The following ADGRL3 variants were observed in gnomAD, a reference collection of about 807,000 sequenced individuals.
ADGRL3 encodes adhesion G protein-coupled receptor L3.
ADGRL3 carries 62 observed loss-of-function variants against 153.5 expected under a neutral mutation model. The ratio of observed to expected loss-of-function variants is 0.40; its 90% CI spans 0.33 to 0.50. ADGRL3 has a LOEUF of 0.50. Ranked by LOEUF, ADGRL3 falls within the 20% of genes least tolerant of loss-of-function variation. ADGRL3 has a pLI of 0.47. For synonymous variants in ADGRL3, 710 were observed against 672.5 expected (o/e 1.06, Z -0.86); for missense variants, 1,641 against 1,859.4 (o/e 0.88, Z 2.16).
chr4:62,002,360 C>T lies in ADGRL3; in HGVS notation c.3395+4095C>T, dbSNP rs559286262. Among the ~76,000 whole-genome samples, 6 of 150,602 alleles carry T rather than the reference C, an allele frequency of 4.0e-5. No homozygotes were observed. In the Admixed American group the frequency reaches 4.0e-4, roughly 10 times the overall value. Reference sequence around the variant, plus strand: ...CTCAGATCTTATCTCTGCTGTTTCTCTACTCACTTTCTTTTCCCTAACGCT... The same window carrying T: ...CTCAGATCTTATCTCTGCTGTTTCTTTACTCACTTTCTTTTCCCTAACGCT... On this transcript the variant is annotated intron_variant, in intron 21 of 26. Coordinates refer to ENST00000683033, the MANE Select transcript of ADGRL3 (RefSeq NM_001387552.1).
At chr4:61,594,930 G>A (rs2098983038) in intron 5 of ADGRL3, among the ~76,000 whole-genome samples, 1 of 152,070 alleles carries the variant, frequency 6.6e-6, no homozygotes, top group Non-Finnish European at 1.5e-5. Flanking sequence ...TATGGCTGAG[G>A]ATCCTCTCTT....
intron 6 of ADGRL3, among the ~76,000 whole-genome samples, chr4:61,707,008 G>A (rs1312085946): frequency 6.6e-6 from 1 of 152,086 alleles, no homozygotes; most frequent in Non-Finnish European, 1.5e-5. Flanking sequence ...AATAGTTAGA[G>A]GCCATTGCAG....
At chr4:61,905,271 C>T (rs1302575655) in intron 11 of ADGRL3, among the ~76,000 whole-genome samples, 1 of 152,152 alleles carries the variant, frequency 6.6e-6, no homozygotes, top group East Asian at 1.9e-4. Flanking sequence ...ACTATACCAA[C>T]ATCTCACTAA....
At chr4:61,608,547 A>G (rs948088390) in intron 5 of ADGRL3, among the ~76,000 whole-genome samples, 1 of 152,200 alleles carries the variant, frequency 6.6e-6, no homozygotes, top group African/African-American at 2.4e-5. Flanking sequence ...AATGTATTAT[A>G]GTTTGTTACT....
rs557892674 is a variant in ADGRL3 at position 61,325,884 on chromosome 4, G to A, written c.-239-57240G>A. Among the ~76,000 whole-genome samples the A allele has an allele frequency of 1.5e-4, 23 of 152,216 alleles. 1 individual carries two copies. Among genetic ancestry groups the A allele is most frequent in the African/African-American group, 5.1e-4 (21 of 41,550 alleles). ...GTCATGATTACTAACATATTGAAGA[G>A]AATTGTGTCCCTCTGAGAATATTAG... On this transcript the variant is annotated intron_variant, in intron 1 of 26. Coordinates refer to ENST00000683033, the MANE Select transcript of ADGRL3 (RefSeq NM_001387552.1).
rs188000074 is a variant in ADGRL3, at chr4:61,978,546, A to G, written c.2806-1017A>G. On this transcript the variant is annotated intron_variant, in intron 17 of 26. Transcript: ENST00000683033. Reference sequence around the variant, plus strand: ...AATTGACAGTCATAAACAATTTCTCAACTTTGCTCCGACATCTTGATCTAC... The same window carrying G: ...AATTGACAGTCATAAACAATTTCTCGACTTTGCTCCGACATCTTGATCTAC... 3.3e-5 allele frequency among the ~76,000 whole-genome samples: 5 copies of G among 152,296 alleles called. No individual in the cohort carries two copies. The East Asian group carries it at 9.7e-4, about 29-fold the overall frequency.
chr4:62,026,879 C>T (rs1362640918), intron 21 of ADGRL3, among the ~76,000 whole-genome samples: 1 of 151,992 alleles, frequency 6.6e-6, no homozygotes, highest in Admixed American at 6.6e-5. Context: ...AATATAGTAA[C>T]TGTTTTACTA....
At chr4:61,460,544 G>A (rs2097799021) in intron 2 of ADGRL3, among the ~76,000 whole-genome samples, 1 of 151,988 alleles carries the variant, frequency 6.6e-6, no homozygotes, top group South Asian at 2.1e-4. Context: ...GGAAGGGTGG[G>A]AGGGGGATGA....
chr4:62,056,102 A>G (rs1488542617), intron 25 of ADGRL3, among the ~76,000 whole-genome samples: 1 of 151,698 alleles, frequency 6.6e-6, no homozygotes, highest in Non-Finnish European at 1.5e-5. Flanking sequence ...AAATAAAACT[A>G]CCAGAGGTCA....
At chr4:61,464,248 T>C (rs2097855120) in intron 2 of ADGRL3, among the ~76,000 whole-genome samples, 1 of 152,204 alleles carries the variant, frequency 6.6e-6, no homozygotes, top group Admixed American at 6.5e-5. Context: ...GGAACAAATT[T>C]ACATTTTCAA....
In ADGRL3 at chr4:61,202,610, AGGCACCTC is replaced by A. The variant is rs759241752; in HGVS notation, c.-240+849_-240+856del. 6.6e-6 allele frequency among the ~76,000 whole-genome samples: 1 copy of A among 152,076 alleles called. No individual in the cohort carries two copies. Among genetic ancestry groups the A allele is most frequent in the Non-Finnish European group, 1.5e-5 (1 of 68,006 alleles). ...GTTGGCGGGTTACAGGTAGGAGAGA[AGGCACCTC>A]GGCGCTTCTCTGAGGAGAAGGGAAG... On this transcript the variant is annotated intron_variant, in intron 1 of 26. Coordinates refer to ENST00000683033, the MANE Select transcript of ADGRL3 (RefSeq NM_001387552.1). This position sits in a 1 kb window ranked among gnomAD's most constrained non-coding sequence, Gnocchi z 5.0.
At chr4:61,680,793 T>C in intron 6 of ADGRL3, among the ~76,000 whole-genome samples, 1 of 152,172 alleles carries the variant, frequency 6.6e-6, no homozygotes, top group Non-Finnish European at 1.5e-5. Context: ...TCTTTGAGTG[T>C]TTTGTACTTA....
chr4:61,481,436 A>G (rs776365095), intron 2 of ADGRL3, among the ~76,000 whole-genome samples: 4 of 152,096 alleles, frequency 2.6e-5, no homozygotes, highest in Admixed American at 1.3e-4. Context: ...ATATATGTAC[A>G]TGTCCTTCAT....
At chr4:61,833,257 C>T (rs2097894242) in intron 9 of ADGRL3, among the ~76,000 whole-genome samples, 1 of 151,964 alleles carries the variant, frequency 6.6e-6, no homozygotes. Flanking sequence ...GTTTATTTTG[C>T]ATTAAAAAAA....
Position 61,597,488 on chromosome 4 carries a change from T to C in ADGRL3, c.473+10048T>C, listed in dbSNP as rs578106020. ...TATATTTTACTATTACATATTAATGTTCTCCTGGAGATTTGAATTTACTTA... is the reference window on the plus strand; with the variant it reads ...TATATTTTACTATTACATATTAATGCTCTCCTGGAGATTTGAATTTACTTA... On this transcript the variant is annotated intron_variant, in intron 5 of 26. Transcript: ENST00000683033. Among the ~76,000 whole-genome samples the C allele has an allele frequency of 2.6e-5, 4 of 152,250 alleles. No homozygotes were observed. The South Asian group carries it at 6.2e-4, about 24-fold the overall frequency.
intron 25 of ADGRL3, among the ~76,000 whole-genome samples, chr4:62,048,217 T>C (rs1359802902): frequency 6.6e-6 from 1 of 152,022 alleles, no homozygotes; most frequent in African/African-American, 2.4e-5. Context: ...AGGTCAAATC[T>C]TATCTTGAGC....
chr4:61,751,803 C>T (rs1044732979), intron 8 of ADGRL3, among the ~76,000 whole-genome samples: 2 of 151,974 alleles, frequency 1.3e-5, no homozygotes, highest in Admixed American at 1.3e-4. Flanking sequence ...TAACAACACT[C>T]TCATGCTTAT....
At chr4:61,849,669 T>C (rs2098178625) in intron 9 of ADGRL3, among the ~76,000 whole-genome samples, 1 of 152,100 alleles carries the variant, frequency 6.6e-6, no homozygotes, top group South Asian at 2.1e-4. Context: ...TGTGTTCTGT[T>C]TGTAGTGTCT....
rs547281155 is a variant in ADGRL3, at chr4:61,349,884, G to A, written c.-239-33240G>A. 2.0e-5 allele frequency among the ~76,000 whole-genome samples: 3 copies of A among 152,160 alleles called. No homozygotes were observed. In the East Asian group the frequency reaches 5.8e-4, roughly 29 times the overall value. On this transcript the variant is annotated intron_variant, in intron 1 of 26. Transcript: ENST00000683033. Reference sequence around the variant, plus strand: ...TGAATGAATGACTATTTCATGGATGGCATTTCCATACCTTGATCTTATTTG... The same window carrying A: ...TGAATGAATGACTATTTCATGGATGACATTTCCATACCTTGATCTTATTTG...
Sources: allele counts gnomAD v4.1 joint callset (sites outside exome capture counted in the v4.1 genomes callset), GRCh38; gene constraint gnomAD v4.1.1; non-coding constraint Gnocchi (gnomAD v3.1); transcripts MANE v1.5; gene names NCBI Gene and HGNC (gene_info 2026-07-23, HGNC 2026-07-21).